FAT4: variants seen among roughly 807,000 people sequenced by gnomAD.
The protein encoded by FAT4 is FAT atypical cadherin 4, also known as protocadherin Fat 4.
A neutral mutation model predicts 303.9 loss-of-function variants in FAT4; 84 were observed. That is an observed-to-expected ratio of 0.28 (90% CI 0.23 to 0.33). FAT4 has a LOEUF of 0.33. FAT4 is among the 10% of genes least tolerant of loss of function. The pLI is 1.00. For missense variants in FAT4, 6,005 were observed against 6,146.8 expected, an observed-to-expected ratio of 0.98 and a Z score of 0.77; for synonymous variants, 2,307 against 2,298.8, an observed-to-expected ratio of 1.00 and a Z score of -0.10.
intron 4 of FAT4, 116 bp from the exon 5 acceptor site, chr4:125,408,328 G>A (rs1366915445): frequency 1.6e-6 from 1 of 612,300 alleles, no homozygotes; most frequent in Admixed American, 3.1e-5. Context: ...TTTCATAGCG[G>A]TTTTCAGTTA....
Position 125,491,571 on chromosome 4 carries a change from C to T in FAT4, c.14755C>T (p.Leu4919=), listed in dbSNP as rs1361597971. Residue 4919 remains leucine, a synonymous_variant, in exon 18 of 18, where the codon CTG becomes TTG. Coordinates refer to ENST00000394329, the MANE Select transcript of FAT4 (RefSeq NM_001291303.3). ...AAAPGTADNT[L]PMKLGQQAGT... is the part of the protein sequence containing the mutation. ...AGCACCAGGCACTGCTGACAACACA[C>T]TGCCCATGAAGCTAGGGCAGCAAGC... 3 of 1,614,222 alleles carry T rather than the reference C, an allele frequency of 1.9e-6. No homozygotes were observed. Among genetic ancestry groups the T allele is most frequent in the Non-Finnish European group, 2.5e-6 (3 of 1,180,036 alleles).
intron 2 of FAT4, among the ~76,000 whole-genome samples, chr4:125,367,301 G>C (rs1296331186): frequency 6.6e-6 from 1 of 152,068 alleles, no homozygotes; most frequent in Non-Finnish European, 1.5e-5. Context: ...TCTACACACT[G>C]TACATATATT....
chr4:125,448,136 G>A (rs1725892509), intron 9 of FAT4, among the ~76,000 whole-genome samples: 1 of 152,044 alleles, frequency 6.6e-6, no homozygotes, highest in Admixed American at 6.6e-5. Flanking sequence ...TTTATGTGCA[G>A]ATTTTTCTCC....
At chr4:125,352,288 A>G (rs1175390473) in intron 2 of FAT4, among the ~76,000 whole-genome samples, 1 of 151,646 alleles carries the variant, frequency 6.6e-6, no homozygotes, top group East Asian at 1.9e-4. Context: ...TAGAGCTGAA[A>G]AAAACCTCAA....
chr4:125,322,803 AG>A (rs1226139086), intron 2 of FAT4, among the ~76,000 whole-genome samples: 5 of 151,834 alleles, frequency 3.3e-5, no homozygotes, highest in Non-Finnish European at 7.4e-5. Flanking sequence ...TGGATGGGGA[AG>A]AATATTTATG....
At chr4:125,414,437 A>G (rs971672095) in intron 5 of FAT4, among the ~76,000 whole-genome samples, 14 of 152,166 alleles carry the variant, frequency 9.2e-5, no homozygotes, top group Non-Finnish European at 1.9e-4. Flanking sequence ...ATAGGAATTA[A>G]TAAGTATTTA....
rs1307828678 is a variant in FAT4, at chr4:125,318,398, G to C, written c.1987G>C (p.Asp663His). The C allele has an allele frequency of 1.9e-6, 3 of 1,614,062 alleles. No homozygotes were observed. The Admixed American group carries it at 5.0e-5, about 27-fold the overall frequency. The change falls in exon 2 of 18, where the codon GAT (aspartate) becomes CAT (histidine). Residue 663 changes from aspartate to histidine, a missense_variant. Coordinates refer to ENST00000394329, the MANE Select transcript of FAT4 (RefSeq NM_001291303.3). ...AFYSLLVLAT[D>H]LGSPPQSSMA... ...CTACTCCCTGTTGGTTCTGGCCACA[G>C]ATCTGGGCTCCCCTCCCCAGTCATC...
intron 14 of FAT4, among the ~76,000 whole-genome samples, chr4:125,478,285 T>G (rs17216010): frequency 0.75 from 114,765 of 152,080 alleles, 43,433 homozygotes; most frequent in East Asian, 0.85. Flanking sequence ...AGTTCGTTAT[T>G]ATTATTAATC....
intron 2 of FAT4, among the ~76,000 whole-genome samples, chr4:125,325,421 A>G (rs546096382): frequency 6.6e-6 from 1 of 152,264 alleles, no homozygotes. Flanking sequence ...TATTAGTAAC[A>G]TATATTGTTG....
chr4:125,326,700 T>C (rs1308222154), intron 2 of FAT4, among the ~76,000 whole-genome samples: 1 of 152,206 alleles, frequency 6.6e-6, no homozygotes, highest in Non-Finnish European at 1.5e-5. Flanking sequence ...GATATATGTA[T>C]GCTTTTTAAT....
chr4:125,413,267 A>G (rs1310898722), intron 5 of FAT4, among the ~76,000 whole-genome samples: 1 of 151,858 alleles, frequency 6.6e-6, no homozygotes, highest in Non-Finnish European at 1.5e-5. Context: ...GTCAGATTCT[A>G]CAATTCTGTT....
At chr4:125,325,710 G>A (rs560201508) in intron 2 of FAT4, among the ~76,000 whole-genome samples, 22 of 152,228 alleles carry the variant, frequency 1.4e-4, no homozygotes, top group South Asian at 1.2e-3. Context: ...AAATTAATAC[G>A]TTTTTTGTTT....
chr4:125,448,703 G>C lies in FAT4; in HGVS notation c.7693G>C (p.Asp2565His). ...TVTVRFVNKA[D>H]FPKVRAKEQT... The stretch of plus-strand genomic sequence containing the variant: ...GACTGTTAGATTCGTGAATAAGGCC[G>C]ATTTCCCTAAAGTGAGAGCCAAAGA... Residue 2565 changes from aspartate (D) to histidine (H), a missense_variant, in exon 10 of 18, where the codon GAT (aspartate) becomes CAT (histidine). By Grantham distance (81) the Asp-to-His change is moderately conservative. Coordinates refer to ENST00000394329, the MANE Select transcript of FAT4 (RefSeq NM_001291303.3). 1 of 1,613,854 alleles carries C rather than the reference G, an allele frequency of 6.2e-7. No homozygotes were observed. Among genetic ancestry groups the C allele is most frequent in the Non-Finnish European group, 8.5e-7 (1 of 1,179,892 alleles).
rs574085677 is a variant in FAT4, at chr4:125,491,878, G to A, written c.*110G>A. ...TTGAAAAACAGGCCAGTATGGACTA[G>A]TGGTGGAGGGAAAACTTTAAAAATA... is the stretch of plus-strand genomic sequence containing the variant. On this transcript the variant is annotated 3_prime_UTR_variant, in exon 18 of 18. Transcript: ENST00000394329. 3.6e-4 allele frequency: 397 copies of A among 1,101,444 alleles called. 1 individual carries two copies. Among genetic ancestry groups the A allele is most frequent in the Non-Finnish European group, 4.7e-4 (371 of 783,722 alleles). 68.2% of individuals were successfully genotyped at this position (1,101,444 alleles called of 1,614,324 possible). A position where few individuals can be genotyped will look rare whatever the true frequency, so the allele number is the denominator to read the frequency against.
At chr4:125,387,778 T>A (rs1253206793) in intron 2 of FAT4, among the ~76,000 whole-genome samples, 1 of 152,212 alleles carries the variant, frequency 6.6e-6, no homozygotes, top group African/African-American at 2.4e-5. Flanking sequence ...CTTTTTACTC[T>A]TCTTTGTGCT....
chr4:125,475,204 C>T (rs1295270194), intron 12 of FAT4, among the ~76,000 whole-genome samples: 1 of 152,048 alleles, frequency 6.6e-6, no homozygotes, highest in Non-Finnish European at 1.5e-5. Flanking sequence ...CAAAGTTTGT[C>T]ATTTGTCAAA....
Position 125,449,356 on chromosome 4 carries a change from T to A in FAT4, c.8346T>A (p.His2782Gln). The A allele has an allele frequency of 1.2e-6, 2 of 1,613,870 alleles. No individual in the cohort carries two copies. Among genetic ancestry groups the A allele is most frequent in the Non-Finnish European group, 1.7e-6 (2 of 1,179,878 alleles). Residue 2782 changes from histidine (H) to glutamine (Q), a missense_variant, in exon 10 of 18, where the codon CAT (histidine) becomes CAA (glutamine). By Grantham distance (24) the His-to-Gln change is conservative. Coordinates refer to ENST00000394329, the MANE Select transcript of FAT4 (RefSeq NM_001291303.3). ...GGTTTTCTCAGATATTTAGTGCCCATGTTCCTGAAAATTCCCCCTTAGGAT... is the reference window on the plus strand; with the variant it reads ...GGTTTTCTCAGATATTTAGTGCCCAAGTTCCTGAAAATTCCCCCTTAGGAT... ...APRFSQIFSA[H>Q]VPENSPLGYT...
At chr4:125,335,820 C>T (rs972708569) in intron 2 of FAT4, among the ~76,000 whole-genome samples, 18 of 151,984 alleles carry the variant, frequency 1.2e-4, no homozygotes, top group Admixed American at 6.6e-4. Context: ...AAGGGAGAAG[C>T]CAAACTTCTC....
Position 125,408,912 on chromosome 4 carries a change from A to C in FAT4, c.5920+118A>C, listed in dbSNP as rs12510547. ...ATGCATTTTGTGAATATAGGTTGGA[A>C]GTTGAGGAATAGAATTATAACTGAA... is the stretch of plus-strand genomic sequence containing the variant. On this transcript the variant is annotated intron_variant, in intron 5 of 17. Coordinates refer to ENST00000394329, the MANE Select transcript of FAT4 (RefSeq NM_001291303.3). The C allele has an allele frequency of 0.015, 7,751 of 504,364 alleles. 390 individuals carry two copies. Among genetic ancestry groups the C allele is most frequent in the Admixed American group, 0.14 (3,700 of 27,000 alleles). 31.2% of individuals were successfully genotyped at this position (504,364 alleles called of 1,614,324 possible).
Sources: gnomAD v4.1 joint callset for allele counts (sites outside exome capture counted in the v4.1 genomes callset) on GRCh38, gnomAD v4.1.1 for gene constraint, MANE v1.5 for transcripts, NCBI Gene and HGNC (gene_info 2026-07-23, HGNC 2026-07-21) for gene names.